PLCL2: variants seen among roughly 807,000 people sequenced by gnomAD.
PLCL2 encodes the protein inactive phospholipase C-like protein 2.
In PLCL2, 4 loss-of-function variants were observed where a neutral mutation model predicts 79.6. The observed-to-expected ratio is 0.05, with a 90% CI of 0.02 to 0.11. PLCL2 has a LOEUF of 0.11. Among genes scored for constraint, PLCL2 ranks in the 10% least tolerant of loss-of-function variants. PLCL2 has a pLI of 1.00. For missense variants in PLCL2, 895 were observed against 1,291.0 expected (o/e 0.69, Z 4.70); for synonymous variants, 484 against 457.7 (o/e 1.06, Z -0.73).
intron 1 of PLCL2, among the ~76,000 whole-genome samples, chr3:16,891,433 C>T (rs1028056980): frequency 2.2e-4 from 34 of 152,168 alleles, no homozygotes; most frequent in African/African-American, 7.5e-4. Context: ...TGGCCATGCT[C>T]GTTTTGAAAG....
chr3:16,934,443 A>T (rs1184923761), intron 1 of PLCL2, among the ~76,000 whole-genome samples: 1 of 152,206 alleles, frequency 6.6e-6, no homozygotes, highest in Non-Finnish European at 1.5e-5. Context: ...CCCAGAGATC[A>T]TCATGGCCCG....
chr3:17,042,520 G>A (rs994611300), intron 3 of PLCL2, among the ~76,000 whole-genome samples: 2 of 152,138 alleles, frequency 1.3e-5, no homozygotes, highest in Admixed American at 1.3e-4. Context: ...TGAAAATTTT[G>A]TTAAAATGGA....
At chr3:17,027,156 C>T (rs559592271) in intron 3 of PLCL2, among the ~76,000 whole-genome samples, 4 of 152,194 alleles carry the variant, frequency 2.6e-5, no homozygotes, top group Admixed American at 1.3e-4. Context: ...AAGTGCATGT[C>T]GCATATCAAA....
intron 1 of PLCL2, among the ~76,000 whole-genome samples, chr3:16,908,378 A>G (rs1387451474): frequency 6.6e-6 from 1 of 152,224 alleles, no homozygotes; most frequent in Non-Finnish European, 1.5e-5. Context: ...ATTATTTTTA[A>G]GAGGCATAGC....
intron 3 of PLCL2, among the ~76,000 whole-genome samples, chr3:17,024,417 A>C (rs2064491517): frequency 6.6e-6 from 1 of 152,186 alleles, no homozygotes; most frequent in Non-Finnish European, 1.5e-5. Flanking sequence ...TTTACTGTTG[A>C]AACGTGCATC....
intron 4 of PLCL2, among the ~76,000 whole-genome samples, chr3:17,060,601 A>G (rs2064941450): frequency 6.6e-6 from 1 of 152,214 alleles, no homozygotes; most frequent in Non-Finnish European, 1.5e-5. Flanking sequence ...CAAAGGCTGT[A>G]CATTTAAACA....
chr3:16,930,324 C>T (rs1396501522), intron 1 of PLCL2, among the ~76,000 whole-genome samples: 3 of 152,142 alleles, frequency 2.0e-5, no homozygotes, highest in African/African-American at 7.2e-5. Flanking sequence ...GTTCCAAGTT[C>T]ATAAATACTT....
At chr3:17,025,009 A>T (rs2064499290) in intron 3 of PLCL2, among the ~76,000 whole-genome samples, 1 of 152,120 alleles carries the variant, frequency 6.6e-6, no homozygotes, top group Non-Finnish European at 1.5e-5. Context: ...CTTGAGCCAC[A>T]CCCTATTGGA....
intron 1 of PLCL2, among the ~76,000 whole-genome samples, chr3:16,954,393 A>G (rs1336054928): frequency 1.3e-5 from 2 of 152,174 alleles, no homozygotes; most frequent in African/African-American, 2.4e-5. Context: ...TCCATGGTGT[A>G]TATGTGCCAC....
intron 1 of PLCL2, among the ~76,000 whole-genome samples, chr3:16,963,821 G>A (rs1039996575): frequency 6.6e-6 from 1 of 151,316 alleles, no homozygotes; most frequent in Non-Finnish European, 1.5e-5. Flanking sequence ...CTTCTCCTAA[G>A]TGGCTGGTCA....
chr3:17,089,379 GT>G lies in PLCL2; in HGVS notation c.3205-344del, dbSNP rs930963319. The stretch of plus-strand genomic sequence containing the variant: ...GTTTATACTTATTTCAAAATAAAAA[GT>G]TTTTTTTTTAATCAAACCTTAAAAG... On this transcript the variant is annotated intron_variant, in intron 5 of 5. Transcript: ENST00000615277. Among the ~76,000 whole-genome samples the G allele has an allele frequency of 7.6e-4, 113 of 149,232 alleles. 2 individuals carry two copies. Among genetic ancestry groups the G allele is most frequent in the South Asian group, 1.9e-3 (9 of 4,684 alleles).
intron 5 of PLCL2, among the ~76,000 whole-genome samples, chr3:17,072,217 C>A (rs1247251760): frequency 6.6e-5 from 10 of 152,046 alleles, no homozygotes; most frequent in African/African-American, 2.2e-4. Flanking sequence ...AATTGGTGAG[C>A]AATTTCTACC....
chr3:16,994,693 G>A (rs1559511589), intron 1 of PLCL2, among the ~76,000 whole-genome samples: 1 of 152,278 alleles, frequency 6.6e-6, no homozygotes, highest in East Asian at 1.9e-4. Flanking sequence ...GATCCTACAA[G>A]TGGTGCTCTT....
At chr3:16,979,814 G>T (rs1470380134) in intron 1 of PLCL2, among the ~76,000 whole-genome samples, 1 of 148,092 alleles carries the variant, frequency 6.8e-6, no homozygotes, top group Admixed American at 6.7e-5. Context: ...CCACAAAACC[G>T]CCATTGTCAT....
intron 1 of PLCL2, among the ~76,000 whole-genome samples, chr3:16,971,840 GCTCT>G (rs913382704): frequency 7.2e-5 from 11 of 152,008 alleles, no homozygotes; most frequent in Non-Finnish European, 1.5e-4. Context: ...TCATGATTTG[GCTCT>G]CTGTTTGTCT....
intron 1 of PLCL2, among the ~76,000 whole-genome samples, chr3:16,923,361 G>A (rs1697168381): frequency 6.6e-6 from 1 of 152,234 alleles, no homozygotes; most frequent in African/African-American, 2.4e-5. Context: ...CAGCACAGCT[G>A]CAAAAGGAGC....
At chr3:16,987,996 G>A (rs117994158) in intron 1 of PLCL2, among the ~76,000 whole-genome samples, 1,641 of 152,238 alleles carry the variant, frequency 0.011, 34 homozygotes, top group Admixed American at 0.046. Flanking sequence ...ATAAATGAAC[G>A]AGCAAGCTAA....
chr3:17,088,987 A>T (rs890856601), intron 5 of PLCL2, among the ~76,000 whole-genome samples: 2 of 152,100 alleles, frequency 1.3e-5, no homozygotes, highest in Non-Finnish European at 2.9e-5. Flanking sequence ...CCTTTGCTTC[A>T]CTCTTTCTTT....
chr3:16,925,662 C>T (rs1697229540), intron 1 of PLCL2, among the ~76,000 whole-genome samples: 1 of 152,152 alleles, frequency 6.6e-6, no homozygotes, highest in Non-Finnish European at 1.5e-5. Context: ...TTTCACTTAG[C>T]ATAATATTTT....
Sources: gnomAD v4.1 joint callset for allele counts (sites outside exome capture counted in the v4.1 genomes callset) on GRCh38, gnomAD v4.1.1 for gene constraint, MANE v1.5 for transcripts, NCBI Gene and HGNC (gene_info 2026-07-23, HGNC 2026-07-21) for gene names.